Variants in KIF25 observed in about 807,000 individuals in gnomAD.
KIF25 encodes the protein kinesin family member 25.
KIF25 carries 19 observed loss-of-function variants against 32.9 expected under a neutral mutation model. The ratio of observed to expected loss-of-function variants is 0.58; its 90% CI spans 0.40 to 0.85. KIF25 has a LOEUF of 0.85. Ranked by LOEUF, KIF25 falls within the 40% of genes least tolerant of loss-of-function variation. The pLI is 0.00. For missense variants in KIF25, 485 were observed against 507.0 expected (o/e 0.96, Z 0.42); for synonymous variants, 225 against 213.7 (o/e 1.05, Z -0.46).
intron 8 of KIF25, chr6:168,036,072 C>T (rs1324630162): frequency 4.6e-6 from 1 of 217,210 alleles, no homozygotes; most frequent in East Asian, 1.1e-4. Flanking sequence ...CTGAAAAGGA[C>T]TACTCTTAGA....
At chr6:168,033,458 C>T (rs550372711) in intron 7 of KIF25, among the ~76,000 whole-genome samples, 1 of 151,048 alleles carries the variant, frequency 6.6e-6, no homozygotes, top group South Asian at 2.1e-4. Context: ...CAAAATTGTG[C>T]CATTGCACTC....
intron 12 of KIF25, 27 bp from the exon 13 acceptor site, chr6:168,044,800 C>A: frequency 6.4e-7 from 1 of 1,558,370 alleles, no homozygotes; most frequent in Non-Finnish European, 8.7e-7. Context: ...TTCTTTCCAG[C>A]TTGCATGTTG....
chr6:168,043,626 T>C (rs1308889490), intron 12 of KIF25, among the ~76,000 whole-genome samples: 1 of 152,200 alleles, frequency 6.6e-6, no homozygotes, highest in Non-Finnish European at 1.5e-5. Context: ...AGAGACCACC[T>C]GGTACTCTTG....
chr6:168,045,037 C>G lies in KIF25; in HGVS notation c.*41C>G. 6.5e-7 allele frequency: 1 copy of G among 1,547,204 alleles called. No homozygotes were observed. The highest frequency in any genetic ancestry group is 8.8e-7 in the Non-Finnish European group (1 of 1,141,090). On this transcript the variant is annotated 3_prime_UTR_variant, in exon 13 of 13. Coordinates refer to ENST00000643607, the MANE Select transcript of KIF25 (RefSeq NM_030615.4). ...TTTCTCCTAAAACTGTGTTTCTTGT[C>G]CTTGCTTTATAATGCATATGTGCTT... is the stretch of plus-strand genomic sequence containing the variant.
intron 4 of KIF25, among the ~76,000 whole-genome samples, chr6:168,011,905 A>G (rs766529345): frequency 6.6e-6 from 1 of 152,124 alleles, no homozygotes; most frequent in Non-Finnish European, 1.5e-5. Flanking sequence ...TGTTATTTCA[A>G]AAGACCTGTC....
intron 4 of KIF25, among the ~76,000 whole-genome samples, chr6:168,007,258 A>G (rs961199021): frequency 2.0e-5 from 3 of 152,106 alleles, no homozygotes; most frequent in Non-Finnish European, 2.9e-5. Context: ...TAAAAATACA[A>G]AAAATTAGCT....
chr6:168,042,784 T>G, intron 12 of KIF25, 68 bp downstream of exon 12: 2 of 1,521,836 alleles, frequency 1.3e-6, no homozygotes, highest in South Asian at 1.3e-5. Flanking sequence ...CACACACTTC[T>G]GGCCTGCACG....
chr6:168,022,471 G>C (rs2114887550), intron 5 of KIF25, among the ~76,000 whole-genome samples: 1 of 152,160 alleles, frequency 6.6e-6, no homozygotes, highest in East Asian at 1.9e-4. Flanking sequence ...TATCACCCAG[G>C]CTGGAGTGCA....
At chr6:168,023,327 G>A (rs1798814005) in intron 5 of KIF25, among the ~76,000 whole-genome samples, 2 of 146,650 alleles carry the variant, frequency 1.4e-5, no homozygotes, top group Non-Finnish European at 3.0e-5. Context: ...GAGTACAGTG[G>A]CACAATCTCA....
chr6:168,041,195 C>T (rs1049409857), intron 10 of KIF25, among the ~76,000 whole-genome samples: 53 of 152,232 alleles, frequency 3.5e-4, no homozygotes, highest in African/African-American at 1.1e-3. Context: ...GCTGAACATT[C>T]CCCATCCTTC....
rs1306500520 is a variant in KIF25, at chr6:168,033,916, G to A, written c.202G>A (p.Gly68Ser). 1.9e-6 allele frequency: 3 copies of A among 1,614,064 alleles called. No individual in the cohort carries two copies. Among genetic ancestry groups the A allele is most frequent in the Non-Finnish European group, 2.5e-6 (3 of 1,180,040 alleles). ...TTGTGTTATGGCGTATGGACAGACG[G>A]GCAGCGGAAAGAGCTATACCATGCT... ...NVCVMAYGQT[G>S]SGKSYTMLGR... The change falls in exon 8 of 13, where the codon GGC (glycine) becomes AGC (serine). Residue 68 changes from glycine (G) to serine (S), a missense_variant. Physicochemically the swap from Gly to Ser is moderately conservative, Grantham distance 56. This residue lies in a region of KIF25 where 480 missense variants were observed against 470.3 expected (regional missense o/e 1.02). Transcript: ENST00000643607.
chr6:168,006,235 G>A (rs1458974970), intron 4 of KIF25, among the ~76,000 whole-genome samples: 1 of 151,574 alleles, frequency 6.6e-6, no homozygotes, highest in Admixed American at 6.6e-5. Flanking sequence ...CGATGGGGGG[G>A]TCTCACTATG....
intron 4 of KIF25, among the ~76,000 whole-genome samples, chr6:168,012,382 T>A (rs1339026095): frequency 6.6e-6 from 1 of 152,226 alleles, no homozygotes; most frequent in Non-Finnish European, 1.5e-5. Context: ...GACACAGCAA[T>A]GTAGTCTCCA....
Position 168,044,836 on chromosome 6 carries a change from C to G in KIF25, c.995C>G (p.Ala332Gly). ...HLLQDCLGGD[A>G]KLLVILCISP... ...TTTTTCTATTTTAAAGGAGGCGATGCGAAGTTACTGGTGATTCTCTGCATT... is the reference window on the plus strand; with the variant it reads ...TTTTTCTATTTTAAAGGAGGCGATGGGAAGTTACTGGTGATTCTCTGCATT... The change falls in exon 13 of 13, where the codon GCG (alanine) becomes GGG (glycine). Residue 332 changes from alanine (A) to glycine (G), a missense_variant. Physicochemically the swap from Ala to Gly is moderately conservative, Grantham distance 60 (BLOSUM62 0). Around this residue, in one of 2 missense-constraint regions of KIF25, gnomAD observed 480 missense variants for 470.3 expected, o/e 1.02. Coordinates refer to ENST00000643607, the MANE Select transcript of KIF25 (RefSeq NM_030615.4). 1 of 1,585,192 alleles carries G rather than the reference C, an allele frequency of 6.3e-7. No homozygotes were observed. Among genetic ancestry groups the G allele is most frequent in the South Asian group, 1.1e-5 (1 of 87,608 alleles).
intron 8 of KIF25, among the ~76,000 whole-genome samples, chr6:168,036,603 C>T (rs1799029380): frequency 6.6e-6 from 1 of 152,236 alleles, no homozygotes; most frequent in Non-Finnish European, 1.5e-5. Flanking sequence ...TGGGAAATCT[C>T]TCAAATTAAC....
chr6:168,035,137 T>TG (rs1258362181), intron 8 of KIF25, among the ~76,000 whole-genome samples: 2 of 151,208 alleles, frequency 1.3e-5, no homozygotes, highest in Admixed American at 1.3e-4. Context: ...GAGAGAATGG[T>TG]GGGAGTTTCA....
chr6:168,006,602 G>C (rs1276215869), intron 4 of KIF25, among the ~76,000 whole-genome samples: 8 of 152,010 alleles, frequency 5.3e-5, no homozygotes, highest in African/African-American at 1.9e-4. Flanking sequence ...AAAAATGCTG[G>C]GCCTCTCCTT....
intron 4 of KIF25, among the ~76,000 whole-genome samples, chr6:168,011,692 G>A (rs1241632222): frequency 6.6e-6 from 1 of 152,156 alleles, no homozygotes; most frequent in East Asian, 1.9e-4. Context: ...GGTTCTTTGA[G>A]CTTCCTGGAC....
intron 4 of KIF25, among the ~76,000 whole-genome samples, chr6:168,008,749 C>T (rs1204808202): frequency 3.3e-5 from 5 of 152,074 alleles, no homozygotes; most frequent in African/African-American, 1.2e-4. Flanking sequence ...CAATTTCTTT[C>T]ATTAGTGTTT....
Sources: allele counts gnomAD v4.1 joint callset (sites outside exome capture counted in the v4.1 genomes callset), GRCh38; gene constraint gnomAD v4.1.1; regional missense constraint gnomAD v4.1.1; transcripts MANE v1.5; gene names NCBI Gene and HGNC (gene_info 2026-07-23, HGNC 2026-07-21).